WDR26: variants seen among roughly 807,000 people sequenced by gnomAD.
WDR26 encodes the protein WD repeat domain 26, also known as WD repeat-containing protein 26.
A neutral mutation model predicts 84.1 loss-of-function variants in WDR26; 5 were observed. The observed-to-expected ratio is 0.06, with a 90% CI of 0.03 to 0.13. The LOEUF is 0.13. Among genes scored for constraint, WDR26 ranks in the 10% least tolerant of loss-of-function variants. The pLI is 1.00. For synonymous variants in WDR26, 415 were observed against 389.6 expected (o/e 1.07, Z -0.77); for missense variants, 642 against 974.9 (o/e 0.66, Z 4.55).
chr1:224,404,559 C>T lies in WDR26; in HGVS notation c.1470G>A (p.Leu490=), dbSNP rs1382585993. The stretch of plus-strand genomic sequence containing the variant: ...CTTCTAATGTTTTAAGCAGTTTTAG[C>T]AGGTGTGTATCCTGGGAGGGAAAAT... Residue 490 remains leucine (L), a synonymous_variant, in exon 8 of 14, where the codon CTG becomes CTA. Transcript: ENST00000414423. 6.2e-7 allele frequency: 1 copy of T among 1,612,648 alleles called. No individual in the cohort carries two copies. The highest frequency in any genetic ancestry group is 8.5e-7 in the Non-Finnish European group (1 of 1,179,216).
intron 6 of WDR26, chr1:224,413,421 G>T: frequency 1.8e-6 from 1 of 551,590 alleles, no homozygotes; most frequent in Non-Finnish European, 2.6e-6. Flanking sequence ...GGTATTTGCA[G>T]GCTGTTTTAA....
intron 12 of WDR26, among the ~76,000 whole-genome samples, chr1:224,396,388 A>G (rs1383122731): frequency 2.6e-5 from 4 of 152,220 alleles, no homozygotes; most frequent in Non-Finnish European, 5.9e-5. Flanking sequence ...TGAATAGACC[A>G]TGGAAGAAGA....
intron 7 of WDR26, among the ~76,000 whole-genome samples, chr1:224,408,204 C>T (rs749983015): frequency 1.4e-4 from 22 of 152,212 alleles, no homozygotes; most frequent in Non-Finnish European, 2.6e-4. Flanking sequence ...TGCCATGTTA[C>T]GTTTTCTTTT....
chr1:224,431,653 G>C, intron 2 of WDR26, 29 bp downstream of exon 2: 1 of 1,610,198 alleles, frequency 6.2e-7, no homozygotes, highest in Admixed American at 1.7e-5. Context: ...TTTAGCAGCA[G>C]TCACACAGCT....
chr1:224,401,039 A>T lies in WDR26; in HGVS notation c.1630T>A (p.Ser544Thr). 1 of 1,614,006 alleles carries T rather than the reference A, an allele frequency of 6.2e-7. No homozygotes were observed. The highest frequency in any genetic ancestry group is 8.5e-7 in the Non-Finnish European group (1 of 1,179,964). The change falls in exon 9 of 14, where the codon TCT becomes ACT. Residue 544 changes from serine (S) to threonine (T), a missense_variant. Physicochemically the swap from Ser to Thr is moderately conservative, Grantham distance 58 (BLOSUM62 1). This residue lies in a region of WDR26 where 351 missense variants were observed against 672.8 expected (regional missense o/e 0.52). Transcript: ENST00000414423. ...ACACTTGTCAAACTGTCTTCATGAG[A>T]CTGGCTCATTTTTGTCCTTAGTTCT...
intron 6 of WDR26, among the ~76,000 whole-genome samples, chr1:224,413,595 C>G (rs935886482): frequency 1.3e-5 from 2 of 152,042 alleles, no homozygotes; most frequent in African/African-American, 4.8e-5. Flanking sequence ...ACTATTATCC[C>G]CATTTTCATG....
At chr1:224,413,202 CAA>C in intron 6 of WDR26, 3 of 715,096 alleles carry the variant, frequency 4.2e-6, no homozygotes, top group Non-Finnish European at 3.6e-6. Flanking sequence ...ACAACAACAA[CAA>C]AAACCCCCCC....
At chr1:224,410,815 C>A (rs1673718161) in intron 7 of WDR26, among the ~76,000 whole-genome samples, 1 of 150,410 alleles carries the variant, frequency 6.6e-6, no homozygotes, top group African/African-American at 2.5e-5. Context: ...CCTCCCACTT[C>A]ATCCTCTTGA....
rs761225685 is a variant in WDR26, at chr1:224,398,881, A to G, written c.1865+8T>C. The G allele has an allele frequency of 7.1e-5, 115 of 1,613,428 alleles. No homozygotes were observed. The highest frequency in any genetic ancestry group is 9.6e-5 in the Non-Finnish European group (113 of 1,179,846). On this transcript the variant is annotated splice_region_variant and intron_variant, in intron 10 of 13. Transcript: ENST00000414423. The stretch of plus-strand genomic sequence containing the variant: ...AATTGTTGTTTAATGGAAACAAAAA[A>G]TAGTTACATGTTCCTATCTGTAAGG...
At position 224,388,695 on chromosome 1, in the gene WDR26, G is replaced by A. The variant is rs958769362; in HGVS notation, c.*1140C>T. 1 of 152,582 alleles carries A rather than the reference G, an allele frequency of 6.6e-6. No homozygotes were observed. Among genetic ancestry groups the A allele is most frequent in the African/African-American group, 2.4e-5 (1 of 41,440 alleles). The allele number at this position is 152,582 out of a possible 1,614,324, so 9.5% of individuals were successfully genotyped here. On this transcript the variant is annotated 3_prime_UTR_variant, in exon 14 of 14. Coordinates refer to ENST00000414423, the MANE Select transcript of WDR26 (RefSeq NM_001379403.1). ...AAATGACTATGAGGTTTTAATCCCAGTTTAAGTATGTCTGTAACCTGCTGA... is the reference window on the plus strand; with the variant it reads ...AAATGACTATGAGGTTTTAATCCCAATTTAAGTATGTCTGTAACCTGCTGA...
chr1:224,404,338 G>A, intron 8 of WDR26, 92 bp downstream of exon 8: 1 of 1,428,780 alleles, frequency 7.0e-7, no homozygotes, highest in Admixed American at 2.4e-5. Flanking sequence ...AGGTTGAATG[G>A]TTATATTATA....
At chr1:224,425,361 T>C (rs1674179699) in intron 3 of WDR26, among the ~76,000 whole-genome samples, 1 of 152,216 alleles carries the variant, frequency 6.6e-6, no homozygotes, top group South Asian at 2.1e-4. Context: ...TTTAAAAAGA[T>C]TCAATATTTG....
At chr1:224,417,703 G>T (rs1211292406) in intron 6 of WDR26, among the ~76,000 whole-genome samples, 1 of 152,064 alleles carries the variant, frequency 6.6e-6, no homozygotes, top group Non-Finnish European at 1.5e-5. Flanking sequence ...GTCTAAAAAA[G>T]AAACCAACAA....
At position 224,407,873 on chromosome 1, in the gene WDR26, T is replaced by C. The variant is rs937231477; in HGVS notation, c.1459-3303A>G. Among the ~76,000 whole-genome samples the C allele has an allele frequency of 2.6e-5, 4 of 152,108 alleles. No individual in the cohort carries two copies. In the South Asian group the frequency reaches 8.3e-4, roughly 32 times the overall value. Reference sequence around the variant, plus strand: ...ATTTGACATAACAAAAATACCATCATACCAAAAGAACCAAACAGTCCCAGA... The same window carrying C: ...ATTTGACATAACAAAAATACCATCACACCAAAAGAACCAAACAGTCCCAGA... On this transcript the variant is annotated intron_variant, in intron 7 of 13. Transcript: ENST00000414423.
rs1204196241 is a variant in WDR26 at position 224,434,367 on chromosome 1, G to A, written c.39C>T (p.Ser13=). Residue 13 remains serine, a synonymous_variant, in exon 1 of 14, where the codon TCC becomes TCT. Coordinates refer to ENST00000414423, the MANE Select transcript of WDR26 (RefSeq NM_001379403.1). ...CGCCGGTGTCCGAGTCGGAGGAGGA[G>A]GAAGCGGAGGCCAGAGTTTCCTCGC... The A allele has an allele frequency of 1.1e-5, 13 of 1,213,522 alleles. No individual in the cohort carries two copies. The highest frequency in any genetic ancestry group is 3.3e-5 in the East Asian group (1 of 30,246). 75.2% of individuals were successfully genotyped at this position (1,213,522 alleles called of 1,614,324 possible). A position where few individuals can be genotyped will look rare whatever the true frequency, so the allele number is the denominator to read the frequency against.
At chr1:224,404,909 GCTAT>G (rs1673511418) in intron 7 of WDR26, among the ~76,000 whole-genome samples, 2 of 152,120 alleles carry the variant, frequency 1.3e-5, no homozygotes, top group African/African-American at 4.8e-5. Context: ...TATAATAAGA[GCTAT>G]CTCTTACATA....
chr1:224,416,791 CTTAATT>C (rs1202017757), intron 6 of WDR26, among the ~76,000 whole-genome samples: 1 of 152,176 alleles, frequency 6.6e-6, no homozygotes, highest in Non-Finnish European at 1.5e-5. Context: ...TCACAAGCGT[CTTAATT>C]TTAACACTGT....
intron 1 of WDR26, 45 bp downstream of exon 1, chr1:224,433,635 CTCCG>C: frequency 7.4e-7 from 1 of 1,359,142 alleles, no homozygotes; most frequent in Admixed American, 3.0e-5. Flanking sequence ...CCCCTGGAGC[CTCCG>C]TCCCTCGGTC....
At position 224,411,622 on chromosome 1, in the gene WDR26, A is replaced by T. The variant is rs377656563; in HGVS notation, c.1320-57T>A. 8 of 1,482,330 alleles carry T rather than the reference A, an allele frequency of 5.4e-6. No individual in the cohort carries two copies. The African/African-American group carries it at 1.0e-4, about 19-fold the overall frequency. The allele number at this position is 1,482,330 out of a possible 1,614,324, so 91.8% of individuals were successfully genotyped here. A position where few individuals can be genotyped will look rare whatever the true frequency, so the allele number is the denominator to read the frequency against. ...CAAAACAGATTAGAGTAATAATAAT[A>T]AAAAAGGTTAAATAACTGACAAAAC... On this transcript the variant is annotated intron_variant, in intron 6 of 13. Coordinates refer to ENST00000414423, the MANE Select transcript of WDR26 (RefSeq NM_001379403.1).
Sources: allele counts gnomAD v4.1 joint callset (sites outside exome capture counted in the v4.1 genomes callset), GRCh38; gene constraint gnomAD v4.1.1; regional missense constraint gnomAD v4.1.1; transcripts MANE v1.5; gene names NCBI Gene and HGNC (gene_info 2026-07-23, HGNC 2026-07-21).